RGS3: variants seen among roughly 807,000 people sequenced by gnomAD.
RGS3 encodes regulator of G-protein signalling 3.
In RGS3, 80 loss-of-function variants were observed where a neutral mutation model predicts 132.6. That is an observed-to-expected ratio of 0.60 (90% CI 0.50 to 0.73). RGS3 has a LOEUF of 0.73. RGS3 is among the 30% of genes least tolerant of loss of function. RGS3 has a pLI of 0.00. For synonymous variants in RGS3, 598 were observed against 620.6 expected (o/e 0.96, Z 0.54); for missense variants, 1,382 against 1,530.8 (o/e 0.90, Z 1.62).
intron 19 of RGS3, among the ~76,000 whole-genome samples, chr9:113,543,519 G>T (rs977321652): frequency 6.6e-6 from 1 of 152,220 alleles, no homozygotes; most frequent in African/African-American, 2.4e-5. Flanking sequence ...GGCTCAGCCC[G>T]CGGGGGGGAT....
intron 19 of RGS3, among the ~76,000 whole-genome samples, chr9:113,572,321 G>T (rs768239641): frequency 6.6e-6 from 1 of 151,956 alleles, no homozygotes; most frequent in Non-Finnish European, 1.5e-5. Context: ...GGGTGGGTTT[G>T]GAGAAGACTG....
chr9:113,548,786 T>C (rs1401813350), intron 19 of RGS3, among the ~76,000 whole-genome samples: 1 of 152,218 alleles, frequency 6.6e-6, no homozygotes, highest in South Asian at 2.1e-4. Context: ...TGTTTTTCCC[T>C]GGCTGTTTCA....
At position 113,507,185 on chromosome 9, in the gene RGS3, C is replaced by G. The variant is rs1379907989; in HGVS notation, c.1086-102C>G. The G allele has an allele frequency of 1.1e-6, 1 of 922,028 alleles. No individual in the cohort carries two copies. Among genetic ancestry groups the G allele is most frequent in the Non-Finnish European group, 1.6e-6 (1 of 612,898 alleles). 57.1% of individuals were successfully genotyped at this position (922,028 alleles called of 1,614,324 possible). ...CTGGGGGCTTCCCCTCTGGTGTCTG[C>G]CTCCTCTTCCCCCATTATCCTCTCT... On this transcript the variant is annotated intron_variant, in intron 12 of 24. Coordinates refer to ENST00000350696, the Ensembl canonical transcript of RGS3. This position sits in a 1 kb window ranked among gnomAD's most constrained non-coding sequence, Gnocchi z 5.0.
At chr9:113,516,253 C>G (rs578171547) in intron 15 of RGS3, among the ~76,000 whole-genome samples, 102 of 152,342 alleles carry the variant, frequency 6.7e-4, no homozygotes, top group Middle Eastern at 6.8e-3. Flanking sequence ...TCCCCTTAGA[C>G]AGCTCTGTCA....
In RGS3 at chr9:113,565,617, A is replaced by C; in HGVS notation, c.2038-17833A>C. The C allele has an allele frequency of 3.7e-6, 1 of 269,902 alleles. No homozygotes were observed. The highest frequency in any genetic ancestry group is 1.1e-4 in the East Asian group (1 of 8,872). The allele number at this position is 269,902 out of a possible 1,614,324, so 16.7% of individuals were successfully genotyped here. A position where few individuals can be genotyped will look rare whatever the true frequency, so the allele number is the denominator to read the frequency against. ...GCAGCCGCTTGACACGGCCGCCAGG[A>C]GCTGCCACAGCCACGGCCGCCCGCC... On this transcript the variant is annotated intron_variant, in intron 19 of 24. Transcript: ENST00000350696. This position sits in a 1 kb window ranked among gnomAD's most constrained non-coding sequence, Gnocchi z 5.7.
intron 19 of RGS3, among the ~76,000 whole-genome samples, chr9:113,570,684 T>C (rs1834244650): frequency 6.6e-6 from 1 of 151,896 alleles, no homozygotes; most frequent in African/African-American, 2.4e-5. Context: ...AGAGTCTCGC[T>C]CTGTTGCCCA....
At chr9:113,480,334 C>T (rs1481842630) in intron 4 of RGS3, among the ~76,000 whole-genome samples, 3 of 151,702 alleles carry the variant, frequency 2.0e-5, no homozygotes, top group African/African-American at 7.3e-5. Context: ...TGGCAGATGC[C>T]TATAATCCCA....
exon 14 of RGS3, chr9:113,508,541 C>T: frequency 2.5e-6 from 4 of 1,612,716 alleles, no homozygotes; most frequent in Non-Finnish European, 3.4e-6. Flanking sequence ...TCCCTTGCAG[C>T]TGCTCCGGCC....
exon 3 of RGS3, chr9:113,462,140 T>A: frequency 2.5e-6 from 4 of 1,614,176 alleles, no homozygotes; most frequent in Non-Finnish European, 2.5e-6. Context: ...CCAGAAGAGA[T>A]GAGTGGACTC....
chr9:113,536,767 G>A (rs774189619), intron 18 of RGS3, 29 bp from the exon 17 acceptor site: 74 of 1,609,748 alleles, frequency 4.6e-5, no homozygotes, highest in Non-Finnish European at 5.8e-5. Context: ...AGCCCTGACC[G>A]TCCGTTTCTC....
intron 19 of RGS3, among the ~76,000 whole-genome samples, chr9:113,559,931 T>C (rs1485422294): frequency 6.6e-6 from 1 of 152,246 alleles, no homozygotes; most frequent in Non-Finnish European, 1.5e-5. Context: ...ATAACAATGA[T>C]GGCTCTTATT....
intron 16 of RGS3, among the ~76,000 whole-genome samples, chr9:113,518,809 T>C (rs1831799930): frequency 6.6e-6 from 1 of 152,156 alleles, no homozygotes; most frequent in Admixed American, 6.5e-5. Flanking sequence ...AAACTTCATC[T>C]GTTGGGAGGG....
intron 3 of RGS3, among the ~76,000 whole-genome samples, chr9:113,474,317 T>C (rs1404839174): frequency 6.6e-6 from 1 of 152,214 alleles, no homozygotes; most frequent in African/African-American, 2.4e-5. Context: ...CTTTTTTGAA[T>C]GGAACTCAGG....
chr9:113,583,974 C>T (rs1834968590), exon 20 of RGS3: 7 of 1,614,090 alleles, frequency 4.3e-6, no homozygotes, highest in South Asian at 1.1e-5. Flanking sequence ...GGCCAGCCTT[C>T]GTGATCCCTG....
At chr9:113,527,695 C>T (rs748766979) in intron 17 of RGS3, among the ~76,000 whole-genome samples, 11 of 152,146 alleles carry the variant, frequency 7.2e-5, no homozygotes, top group Non-Finnish European at 1.3e-4. Context: ...TACCTTGCTT[C>T]GAGGGGGCCT....
intron 15 of RGS3, 41 bp from the exon 14 acceptor site, chr9:113,517,500 G>T (rs763114538): frequency 4.5e-6 from 7 of 1,556,288 alleles, no homozygotes; most frequent in South Asian, 2.2e-5. Flanking sequence ...TCCTCACCCA[G>T]CCTCTTTTTG....
intron 1 of RGS3, among the ~76,000 whole-genome samples, chr9:113,461,291 G>A (rs991966761): frequency 6.6e-6 from 1 of 152,140 alleles, no homozygotes. Flanking sequence ...GAGAAAGCCA[G>A]GCTTGGTCCA....
intron 11 of RGS3, among the ~76,000 whole-genome samples, 164 bp downstream of exon 9, chr9:113,505,687 A>G (rs1564499134): frequency 6.6e-6 from 1 of 152,236 alleles, no homozygotes; most frequent in Non-Finnish European, 1.5e-5. Context: ...TGAAACTGCC[A>G]TTTATGAAAA....
chr9:113,472,768 C>A (rs1041058135), intron 3 of RGS3, among the ~76,000 whole-genome samples: 6 of 151,992 alleles, frequency 3.9e-5, no homozygotes, highest in African/African-American at 1.5e-4. Flanking sequence ...GAAGTGTGGC[C>A]GTGCACGGTG....
Sources: gnomAD v4.1 joint callset for allele counts (sites outside exome capture counted in the v4.1 genomes callset) on GRCh38, gnomAD v4.1.1 for gene constraint, Gnocchi (gnomAD v3.1) non-coding constraint, MANE v1.5 for transcripts, NCBI Gene and HGNC (gene_info 2026-07-23, HGNC 2026-07-21) for gene names.